MYOF: variants seen among roughly 807,000 people sequenced by gnomAD.
MYOF encodes myoferlin, also known as fer-1-like 3, myoferlin.
Under a neutral mutation model 284.2 loss-of-function variants are expected in MYOF, and 244 were observed. That is an observed-to-expected ratio of 0.86 (90% CI 0.77 to 0.95). MYOF has a LOEUF of 0.95. MYOF is among the 40% of genes least tolerant of loss of function. The probability of loss-of-function intolerance (pLI) is 0.00; values close to 1 mark genes in which losing one functional copy is unlikely to be tolerated. For missense variants in MYOF, 2,496 were observed against 2,560.6 expected, an observed-to-expected ratio of 0.97 and a Z score of 0.54; for synonymous variants, 904 against 919.7, an observed-to-expected ratio of 0.98 and a Z score of 0.31.
Position 93,419,624 on chromosome 10 carries a change from GA to G in MYOF, c.433+6446del, listed in dbSNP as rs1848272881. ...GAATACAGAGTTGCAATACACAGCT[GA>G]AAAAGTACTTTCTGAAAGCAATTGT... On this transcript the variant is annotated intron_variant, in intron 5 of 53. Transcript: ENST00000359263. Among the ~76,000 whole-genome samples the G allele has an allele frequency of 2.6e-5, 4 of 152,194 alleles. No individual in the cohort carries two copies. In the South Asian group the frequency reaches 8.3e-4, roughly 31 times the overall value.
At chr10:93,320,644 T>G (rs1306120506) in intron 48 of MYOF, among the ~76,000 whole-genome samples, 1 of 152,176 alleles carries the variant, frequency 6.6e-6, no homozygotes, top group Non-Finnish European at 1.5e-5. Flanking sequence ...TGCTTGTGCC[T>G]GGCACATAGT....
At chr10:93,432,328 C>T (rs1327470656) in intron 3 of MYOF, among the ~76,000 whole-genome samples, 4 of 151,802 alleles carry the variant, frequency 2.6e-5, no homozygotes, top group Non-Finnish European at 5.9e-5. Context: ...GTTGAGCTTG[C>T]AGTGAGCTAT....
At chr10:93,433,711 T>C (rs1164504497) in intron 3 of MYOF, among the ~76,000 whole-genome samples, 1 of 152,260 alleles carries the variant, frequency 6.6e-6, no homozygotes, top group Non-Finnish European at 1.5e-5. Flanking sequence ...ATGCATTTTA[T>C]TTTAAAATAT....
rs186955894 is a variant in MYOF at position 93,468,642 on chromosome 10, G to T, written c.89-11705C>A. The stretch of plus-strand genomic sequence containing the variant: ...GAATTTCCAGTTGAATTTAACCTCA[G>T]CTTCAGACCCTGGTGTCTCATCATT... On this transcript the variant is annotated intron_variant, in intron 1 of 53. Transcript: ENST00000359263. Among the ~76,000 whole-genome samples, 378 of 152,330 alleles carry T rather than the reference G, an allele frequency of 2.5e-3. 1 individual carries two copies. The highest frequency in any genetic ancestry group is 0.011 in the South Asian group (55 of 4,828).
At chr10:93,418,708 C>T (rs545617755) in intron 5 of MYOF, among the ~76,000 whole-genome samples, 12 of 152,224 alleles carry the variant, frequency 7.9e-5, no homozygotes, top group Non-Finnish European at 1.8e-4. Flanking sequence ...CATACAGACT[C>T]GGGGCTCCCC....
At chr10:93,476,904 T>C (rs978993846) in intron 1 of MYOF, among the ~76,000 whole-genome samples, 16 of 152,142 alleles carry the variant, frequency 1.1e-4, no homozygotes, top group Non-Finnish European at 2.2e-4. Context: ...CAGTAGCCAT[T>C]CCACAAGGAA....
At position 93,408,852 on chromosome 10, in the gene MYOF, C is replaced by G; in HGVS notation, c.664G>C (p.Val222Leu). ...CGGTGTGTCTGGCCACAGACGTGAA[C>G]TTTGACCACAGGCCTTATGTTGTTA... ...SGNNIRPVVK[V>L]HVCGQTHRTR... Residue 222 changes from valine (V) to leucine (L), a missense_variant, in exon 7 of 54, where the codon GTT becomes CTT. Physicochemically the swap from Val to Leu is conservative, Grantham distance 32 (BLOSUM62 1). Transcript: ENST00000359263. 1 of 1,614,200 alleles carries G rather than the reference C, an allele frequency of 6.2e-7. No individual in the cohort carries two copies. Among genetic ancestry groups the G allele is most frequent in the Non-Finnish European group, 8.5e-7 (1 of 1,180,038 alleles).
chr10:93,463,699 C>G (rs1396351985), intron 1 of MYOF, among the ~76,000 whole-genome samples: 3 of 151,820 alleles, frequency 2.0e-5, no homozygotes, highest in African/African-American at 7.3e-5. Flanking sequence ...CACACCCGGC[C>G]CATCTCTACA....
At chr10:93,396,275 C>A in intron 15 of MYOF, 51 bp from the exon 16 acceptor site, 1 of 1,293,828 alleles carries the variant, frequency 7.7e-7, no homozygotes, top group Non-Finnish European at 1.1e-6. Context: ...TTCAGAGCTC[C>A]ATCTAGGAAG....
chr10:93,352,548 A>G (rs1194808297), intron 32 of MYOF, among the ~76,000 whole-genome samples: 2 of 152,228 alleles, frequency 1.3e-5, no homozygotes, highest in Non-Finnish European at 2.9e-5. Flanking sequence ...TTATGTATGG[A>G]GAAATAATCC....
intron 43 of MYOF, among the ~76,000 whole-genome samples, chr10:93,332,826 G>GCAAC (rs1843391566): frequency 6.6e-6 from 1 of 152,004 alleles, no homozygotes; most frequent in African/African-American, 2.4e-5. Flanking sequence ...CAGCATGGGT[G>GCAAC]ACAGCAAGAC....
At chr10:93,477,934 G>C (rs945038569) in intron 1 of MYOF, among the ~76,000 whole-genome samples, 13 of 152,116 alleles carry the variant, frequency 8.5e-5, no homozygotes, top group African/African-American at 2.7e-4. Context: ...GTTGCTAACA[G>C]GCAGTAGTTG....
intron 5 of MYOF, among the ~76,000 whole-genome samples, chr10:93,418,615 G>A (rs1189160553): frequency 1.2e-4 from 19 of 152,160 alleles, no homozygotes; most frequent in Admixed American, 1.2e-3. Flanking sequence ...TCTCCCTCTG[G>A]ACAACATCAC....
At chr10:93,455,062 G>A (rs957016321) in intron 2 of MYOF, among the ~76,000 whole-genome samples, 1 of 149,810 alleles carries the variant, frequency 6.7e-6, no homozygotes, top group Non-Finnish European at 1.5e-5. Flanking sequence ...TTGGGTGCTG[G>A]GTGGATCACC....
At chr10:93,439,670 C>T (rs1452697868) in intron 3 of MYOF, among the ~76,000 whole-genome samples, 3 of 152,190 alleles carry the variant, frequency 2.0e-5, no homozygotes, top group African/African-American at 7.2e-5. Context: ...ACAGCTCCTA[C>T]TTAATGGTAT....
Position 93,482,241 on chromosome 10 carries a change from T to G in MYOF, c.-47A>C. ...AAGTTTCAGCAAACGAAGTGGAGAC[T>G]AGGGCGCTGGAGCTCCGGGTCGCAC... On this transcript the variant is annotated 5_prime_UTR_variant, in exon 1 of 54. Coordinates refer to ENST00000359263, the MANE Select transcript of MYOF (RefSeq NM_013451.4). 6.6e-7 allele frequency: 1 copy of G among 1,525,130 alleles called. No individual in the cohort carries two copies. The highest frequency in any genetic ancestry group is 2.3e-5 in the East Asian group (1 of 44,314). The allele number at this position is 1,525,130 out of a possible 1,614,324, so 94.5% of individuals were successfully genotyped here.
chr10:93,339,749 G>T (rs988340956), intron 39 of MYOF, among the ~76,000 whole-genome samples: 2 of 151,998 alleles, frequency 1.3e-5, no homozygotes, highest in East Asian at 3.9e-4. Context: ...GATTATAGGC[G>T]TGAGCCACTG....
intron 15 of MYOF, 155 bp downstream of exon 15, chr10:93,397,092 A>T: frequency 1.7e-6 from 1 of 589,876 alleles, no homozygotes; most frequent in Non-Finnish European, 2.8e-6. Flanking sequence ...CACTATTATT[A>T]AATTTTGTTT....
At position 93,316,776 on chromosome 10, in the gene MYOF, AT is replaced by A. The variant is rs751664963; in HGVS notation, c.5635del (p.Ile1879SerfsTer5). On this transcript the variant is annotated frameshift_variant, in exon 50 of 54. Transcript: ENST00000359263. LOFTEE classifies it high-confidence loss of function. ...TATCTGAATGATCAGCCTGGGTGGGATTCGAAATTCCGTTTGGTCAATACTC... is the reference window on the plus strand; with the variant it reads ...TATCTGAATGATCAGCCTGGGTGGGATCGAAATTCCGTTTGGTCAATACTC... ...FWSIDQTEFR[I>X]PPRLIIQIWD... is the part of the protein sequence containing the mutation. The A allele has an allele frequency of 6.2e-7, 1 of 1,614,000 alleles. No homozygotes were observed. Among genetic ancestry groups the A allele is most frequent in the East Asian group, 2.2e-5 (1 of 44,870 alleles).
Sources: allele counts gnomAD v4.1 joint callset (sites outside exome capture counted in the v4.1 genomes callset), GRCh38; gene constraint gnomAD v4.1.1; transcripts MANE v1.5; gene names NCBI Gene and HGNC (gene_info 2026-07-23, HGNC 2026-07-21).